TOP3A: variants seen among roughly 807,000 people sequenced by gnomAD.
TOP3A encodes the protein DNA topoisomerase III alpha.
Under a neutral mutation model 111.3 loss-of-function variants are expected in TOP3A, and 64 were observed. That is an observed-to-expected ratio of 0.57 (90% CI 0.47 to 0.71). The LOEUF is 0.71. TOP3A is among the 30% of genes least tolerant of loss of function. TOP3A has a pLI of 0.00. For missense variants in TOP3A, 1,104 were observed against 1,285.0 expected (o/e 0.86, Z 2.15); for synonymous variants, 484 against 485.1 (o/e 1.00, Z 0.03).
intron 9 of TOP3A, 31 bp downstream of exon 9, chr17:18,299,528 G>GTTTC: frequency 6.2e-7 from 1 of 1,603,558 alleles, no homozygotes; most frequent in Non-Finnish European, 8.5e-7. Flanking sequence ...AGTGTTCCCC[G>GTTTC]AGTGCCTGAA....
intron 9 of TOP3A, among the ~76,000 whole-genome samples, chr17:18,296,346 C>T (rs555504665): frequency 6.0e-4 from 92 of 152,198 alleles, no homozygotes; most frequent in African/African-American, 2.1e-3. Context: ...CTTTGGGAGG[C>T]CGAGGCGGGC....
chr17:18,296,352 C>T (rs1201215391), intron 9 of TOP3A, among the ~76,000 whole-genome samples: 2 of 152,048 alleles, frequency 1.3e-5, no homozygotes, highest in South Asian at 2.1e-4. Flanking sequence ...GAGGCCGAGG[C>T]GGGCGGATCA....
At position 18,278,013 on chromosome 17, in the gene TOP3A, T is replaced by C. The variant is rs538053478; in HGVS notation, c.2489A>G (p.Asn830Ser). The change falls in exon 18 of 19, where the codon AAC becomes AGC. Residue 830 changes from asparagine (N) to serine (S), a missense_variant. By Grantham distance (46) the Asn-to-Ser change is conservative. Transcript: ENST00000321105. Reference protein sequence around the residue: ...VLLTVRKEGPNRGRQFFKCNG... With the variant: ...VLLTVRKEGPSRGRQFFKCNG... Reference sequence around the variant, plus strand: ...GCACTTAAAGAACTGCCGGCCCCGGTTGGGGCCCTCCTTACGGACAGTGAG... The same window carrying C: ...GCACTTAAAGAACTGCCGGCCCCGGCTGGGGCCCTCCTTACGGACAGTGAG... 21 of 1,614,134 alleles carry C rather than the reference T, an allele frequency of 1.3e-5. No individual in the cohort carries two copies. The highest frequency in any genetic ancestry group is 9.9e-5 in the South Asian group (9 of 91,092).
At chr17:18,279,673 G>A (rs1014160198) in intron 17 of TOP3A, among the ~76,000 whole-genome samples, 1 of 152,120 alleles carries the variant, frequency 6.6e-6, no homozygotes, top group Non-Finnish European at 1.5e-5. Flanking sequence ...ACAGGCCTGA[G>A]CCACCAGGCT....
At position 18,282,798 on chromosome 17, in the gene TOP3A, A is replaced by G; in HGVS notation, c.1921T>C (p.Leu641=). The change falls in exon 16 of 19, where the codon TTG becomes CTG. Residue 641 remains leucine, a synonymous_variant. Transcript: ENST00000321105. ...LAQYFGNGTE[L]AQQEDIYPAM... The stretch of plus-strand genomic sequence containing the variant: ...GGGTAGATATCTTCTTGCTGGGCCA[A>G]CTCTGTCCCATTCCCAAAGTACTGG... 6.2e-7 allele frequency: 1 copy of G among 1,614,144 alleles called. No homozygotes were observed. Among genetic ancestry groups the G allele is most frequent in the Non-Finnish European group, 8.5e-7 (1 of 1,180,032 alleles).
chr17:18,276,189 G>A (rs1979363499), intron 18 of TOP3A, among the ~76,000 whole-genome samples: 1 of 152,184 alleles, frequency 6.6e-6, no homozygotes, highest in African/African-American at 2.4e-5. Flanking sequence ...TGTGTGGTAG[G>A]GTGGGAAAGA....
chr17:18,304,715 T>A (rs1275168516), intron 5 of TOP3A, among the ~76,000 whole-genome samples: 1 of 152,144 alleles, frequency 6.6e-6, no homozygotes, highest in Non-Finnish European at 1.5e-5. Flanking sequence ...TTTGCTTCCA[T>A]TAACCAAATA....
chr17:18,302,188 C>T (rs966752972), intron 7 of TOP3A, 76 bp downstream of exon 7: 1 of 1,496,564 alleles, frequency 6.7e-7, no homozygotes, highest in Non-Finnish European at 9.0e-7. Flanking sequence ...TTTATTAGTG[C>T]TATTAATGCT....
intron 5 of TOP3A, 113 bp from the exon 6 acceptor site, chr17:18,302,836 T>C (rs1981322008): frequency 7.6e-7 from 1 of 1,316,710 alleles, no homozygotes; most frequent in East Asian, 2.5e-5. Context: ...TTCAAGAAGC[T>C]GTGAGATGAC....
intron 9 of TOP3A, among the ~76,000 whole-genome samples, chr17:18,296,552 C>T (rs983032015): frequency 6.6e-5 from 10 of 152,232 alleles, no homozygotes; most frequent in Admixed American, 1.3e-4. Flanking sequence ...TGCACTCCAG[C>T]CTGGCGACAG....
chr17:18,298,196 C>T (rs1391839260), intron 9 of TOP3A, among the ~76,000 whole-genome samples: 66 of 151,178 alleles, frequency 4.4e-4, no homozygotes, highest in Non-Finnish European at 7.2e-4. Context: ...GCAACCGCCC[C>T]GTCTGAGAAG....
At chr17:18,295,484 A>G (rs1366043335) in intron 9 of TOP3A, among the ~76,000 whole-genome samples, 1 of 149,924 alleles carries the variant, frequency 6.7e-6, no homozygotes, top group Non-Finnish European at 1.5e-5. Context: ...TATTTTCGAG[A>G]CAGTCTCGCT....
At position 18,273,223 on chromosome 17, in the gene TOP3A, G is replaced by C. The variant is rs1979106936; in HGVS notation, c.*1579C>G. The stretch of plus-strand genomic sequence containing the variant: ...TAGTTTCTTCAACAACTAGCAACAT[G>C]ACTGGGCAACTCACACCCACCTCTG... On this transcript the variant is annotated 3_prime_UTR_variant, in exon 19 of 19. Coordinates refer to ENST00000321105, the MANE Select transcript of TOP3A (RefSeq NM_004618.5). 1 of 152,224 alleles carries C rather than the reference G, an allele frequency of 6.6e-6. No individual in the cohort carries two copies. The highest frequency in any genetic ancestry group is 2.1e-4 in the South Asian group (1 of 4,824). 9.4% of individuals were successfully genotyped at this position (152,224 alleles called of 1,614,324 possible). A position where few individuals can be genotyped will look rare whatever the true frequency, so the allele number is the denominator to read the frequency against.
chr17:18,302,407 A>G lies in TOP3A; in HGVS notation c.671T>C (p.Leu224Pro), dbSNP rs1337371633. The change falls in exon 7 of 19, where the codon CTG becomes CCG. Residue 224 changes from leucine (L) to proline (P), a missense_variant. Transcript: ENST00000321105. ...IGAAFTRFQT[L>P]RLQRIFPEVL... Reference sequence around the variant, plus strand: ...CTCAGGAAAAATCCTCTGAAGCCGCAGGGTCTGGAACCTAGTAAAGGCAGC... The same window carrying G: ...CTCAGGAAAAATCCTCTGAAGCCGCGGGGTCTGGAACCTAGTAAAGGCAGC... 6.2e-7 allele frequency: 1 copy of G among 1,612,810 alleles called. No homozygotes were observed. Among genetic ancestry groups the G allele is most frequent in the Non-Finnish European group, 8.5e-7 (1 of 1,179,814 alleles).
At position 18,274,877 on chromosome 17, in the gene TOP3A, T is replaced by G; in HGVS notation, c.2931A>C (p.Thr977=). Reference sequence around the variant, plus strand: ...GGCTGCATTTCCGGGGTTTCTTTGCTGTGGACCCCATGTCTGAGGAACTGG... The same window carrying G: ...GGCTGCATTTCCGGGGTTTCTTTGCGGTGGACCCCATGTCTGAGGAACTGG... ...PRASSSDMGS[T]AKKPRKCSLC... The change falls in exon 19 of 19, where the codon ACA becomes ACC. Residue 977 remains threonine (T), a synonymous_variant. Transcript: ENST00000321105. 6.2e-7 allele frequency: 1 copy of G among 1,614,208 alleles called. No individual in the cohort carries two copies.
intron 4 of TOP3A, among the ~76,000 whole-genome samples, chr17:18,305,475 A>AACACACACAC (rs1555572046): frequency 6.8e-6 from 1 of 146,672 alleles, no homozygotes; most frequent in Admixed American, 6.9e-5. Context: ...ATTCAGCTCT[A>AACACACACAC]ACACACACAC....
chr17:18,281,184 A>T (rs1979733901), intron 16 of TOP3A, among the ~76,000 whole-genome samples: 1 of 152,236 alleles, frequency 6.6e-6, no homozygotes, highest in Non-Finnish European at 1.5e-5. Flanking sequence ...AACACCTTGC[A>T]GTCATGAAAC....
Position 18,290,944 on chromosome 17 carries a change from T to C in TOP3A, c.1365A>G (p.Thr455=), listed in dbSNP as rs774944479. Reference sequence around the variant, plus strand: ...GTTCCTGAGCGATGTCGATCTCCACTGTGGTCTCCTGCCCCTGAGCATCCT... The same window carrying C: ...GTTCCTGAGCGATGTCGATCTCCACCGTGGTCTCCTGCCCCTGAGCATCCT... ...CSQDAQGQET[T]VEIDIAQERF... is the part of the protein sequence containing the mutation. Residue 455 remains threonine (T), a synonymous_variant, in exon 12 of 19, where the codon ACA becomes ACG. Transcript: ENST00000321105. The C allele has an allele frequency of 5.6e-6, 9 of 1,614,124 alleles. No individual in the cohort carries two copies. Among genetic ancestry groups the C allele is most frequent in the Admixed American group, 5.0e-5 (3 of 60,008 alleles).
intron 1 of TOP3A, 52 bp downstream of exon 1, chr17:18,314,547 G>C: frequency 6.5e-7 from 1 of 1,549,574 alleles, no homozygotes; most frequent in Non-Finnish European, 8.8e-7. Context: ...ACGCTGTCCC[G>C]CTCGGTGGGC....
Sources: allele counts gnomAD v4.1 joint callset (sites outside exome capture counted in the v4.1 genomes callset), GRCh38; gene constraint gnomAD v4.1.1; transcripts MANE v1.5; gene names NCBI Gene and HGNC (gene_info 2026-07-23, HGNC 2026-07-21).